Variants in SEM1 observed in about 807,000 individuals in gnomAD.
SEM1 encodes SEM1 26S proteasome subunit, also known as 26S proteasome complex subunit SEM1.
A neutral mutation model predicts 12.7 loss-of-function variants in SEM1; 3 were observed. The observed-to-expected ratio is 0.24, with a 90% CI of 0.11 to 0.61. The LOEUF is 0.61. SEM1 is among the 20% of genes least tolerant of loss of function. SEM1 has a pLI of 0.88. For synonymous variants in SEM1, 30 were observed against 27.8 expected (o/e 1.08, Z -0.25); for missense variants, 59 against 81.3 (o/e 0.73, Z 1.06).
intron 2 of SEM1, among the ~76,000 whole-genome samples, chr7:96,556,665 T>C (rs1460808562): frequency 8.5e-6 from 1 of 117,348 alleles, no homozygotes; most frequent in Admixed American, 8.9e-5. Context: ...GACAATTATG[T>C]GTCTTGGAGT....
chr7:96,709,394 G>A (rs1046782262), intron 1 of SEM1, among the ~76,000 whole-genome samples: 4 of 152,190 alleles, frequency 2.6e-5, no homozygotes, highest in Non-Finnish European at 5.9e-5. Flanking sequence ...AGTAACCCAG[G>A]TGAACAGTAA....
intron 3 of SEM1, among the ~76,000 whole-genome samples, chr7:96,503,068 A>C (rs1803623453): frequency 6.6e-6 from 1 of 152,148 alleles, no homozygotes; most frequent in South Asian, 2.1e-4. Context: ...ATAACCCTGG[A>C]TGGTCAGCAA....
chr7:96,541,443 GTTTTTTTTT>G (rs61049763), intron 2 of SEM1, among the ~76,000 whole-genome samples: 1 of 102,394 alleles, frequency 9.8e-6, no homozygotes. Context: ...TTTTTTTTTT[GTTTTTTTTT>G]TTTTTTTGCT....
intron 2 of SEM1, among the ~76,000 whole-genome samples, chr7:96,551,404 T>C (rs1446890107): frequency 2.0e-5 from 3 of 152,086 alleles, no homozygotes; most frequent in African/African-American, 4.8e-5. Context: ...AGTGTCTTTA[T>C]AAGAAGACAC....
At chr7:96,650,576 T>TAAC (rs749633484) in intron 2 of SEM1, 17 of 717,072 alleles carry the variant, frequency 2.4e-5, no homozygotes, top group African/African-American at 1.2e-4. Context: ...GATTTGTAAA[T>TAAC]AACAACAACA....
intron 2 of SEM1, among the ~76,000 whole-genome samples, chr7:96,520,203 T>G (rs553439566): frequency 6.6e-6 from 1 of 152,284 alleles, no homozygotes; most frequent in Admixed American, 6.5e-5. Flanking sequence ...CTGTGTTATT[T>G]TGCAATGAGA....
intron 2 of SEM1, among the ~76,000 whole-genome samples, chr7:96,605,544 G>T (rs1807325266): frequency 6.6e-6 from 1 of 152,142 alleles, no homozygotes; most frequent in South Asian, 2.1e-4. Context: ...ATAGGCCAAG[G>T]TACATTTAGA....
chr7:96,520,957 G>T (rs1330179024), intron 2 of SEM1, among the ~76,000 whole-genome samples: 1 of 152,016 alleles, frequency 6.6e-6, no homozygotes, highest in Non-Finnish European at 1.5e-5. Flanking sequence ...AATTCTCAAG[G>T]TCAGACCTTC....
At chr7:96,554,254 G>T (rs1805400410) in intron 2 of SEM1, among the ~76,000 whole-genome samples, 1 of 116,894 alleles carries the variant, frequency 8.6e-6, no homozygotes, top group Non-Finnish European at 1.8e-5. Flanking sequence ...TGGTGAGAGA[G>T]GGCATCCCTG....
chr7:96,510,656 A>G (rs6969816), intron 2 of SEM1, among the ~76,000 whole-genome samples: 18,760 of 152,162 alleles, frequency 0.12, 3,823 homozygotes, highest in African/African-American at 0.43. Context: ...ACAATCTGGT[A>G]TAATCTGGAT....
At chr7:96,585,281 A>C (rs28772872) in intron 2 of SEM1, among the ~76,000 whole-genome samples, 1 of 151,984 alleles carries the variant, frequency 6.6e-6, no homozygotes, top group South Asian at 2.1e-4. Context: ...TAGGCTGCTC[A>C]GGGGTCAGGG....
chr7:96,622,536 G>T (rs932269873), downstream of SEM1: 8 of 748,376 alleles, frequency 1.1e-5, no homozygotes, highest in Non-Finnish European at 2.0e-5. Context: ...ATGGCAAGGG[G>T]CTTGGTACCT....
chr7:96,646,062 T>A (rs1027859072), intron 2 of SEM1: 2 of 394,336 alleles, frequency 5.1e-6, no homozygotes, highest in African/African-American at 4.1e-5. Flanking sequence ...TCCCTCCCTA[T>A]TCCTTTGAGA....
chr7:96,594,680 T>C (rs1399278130), intron 2 of SEM1, among the ~76,000 whole-genome samples: 7 of 152,214 alleles, frequency 4.6e-5, no homozygotes, highest in Admixed American at 4.6e-4. Flanking sequence ...TGGTAAAATG[T>C]TTTGAAATGC....
At chr7:96,617,885 A>G (rs144532893), downstream of SEM1, among the ~76,000 whole-genome samples, 69 of 152,308 alleles carry the variant, frequency 4.5e-4, no homozygotes, top group Middle Eastern at 0.01. Flanking sequence ...CCTGGGATAA[A>G]TCCCACCTGA....
rs375015982 is a variant in SEM1 at position 96,599,988 on chromosome 7, C to T, written c.171-93290G>A. Among the ~76,000 whole-genome samples, 381 of 152,282 alleles carry T rather than the reference C, an allele frequency of 2.5e-3. 2 individuals are homozygous for T. Among genetic ancestry groups the T allele is most frequent in the Non-Finnish European group, 3.9e-3 (262 of 68,022 alleles). On this transcript the variant is annotated intron_variant and NMD_transcript_variant, in intron 2 of 3. Transcript: ENST00000466986. ...GGAATTTCCAGGTCACACAGGAACA[C>T]GCGAGTCTGTTGCTACTGGATTAAT...
intron 1 of SEM1, among the ~76,000 whole-genome samples, chr7:96,493,886 G>T (rs528418325): frequency 1.3e-5 from 2 of 152,030 alleles, no homozygotes; most frequent in Admixed American, 6.6e-5. Context: ...AAAACATATA[G>T]GTTCTCCATT....
chr7:96,544,589 G>A (rs1805051019), intron 2 of SEM1, among the ~76,000 whole-genome samples: 1 of 151,842 alleles, frequency 6.6e-6, no homozygotes, highest in Admixed American at 6.6e-5. Context: ...AACAACATGG[G>A]GGTTAGGAGT....
chr7:96,492,549 A>G (rs1448131953), intron 1 of SEM1, among the ~76,000 whole-genome samples: 2 of 149,846 alleles, frequency 1.3e-5, no homozygotes, highest in East Asian at 3.9e-4. Context: ...GGCTGGGACT[A>G]CAAGTGTGTG....
Sources: allele counts gnomAD v4.1 joint callset (sites outside exome capture counted in the v4.1 genomes callset), GRCh38; gene constraint gnomAD v4.1.1; transcripts MANE v1.5; gene names NCBI Gene and HGNC (gene_info 2026-07-23, HGNC 2026-07-21).